The following PLCE1 variants were observed in gnomAD, a reference collection of about 807,000 sequenced individuals.
PLCE1 encodes the protein 1-phosphatidylinositol 4,5-bisphosphate phosphodiesterase epsilon-1.
Under a neutral mutation model 242.8 loss-of-function variants are expected in PLCE1, and 119 were observed. The ratio of observed to expected loss-of-function variants is 0.49; its 90% CI spans 0.42 to 0.57. The LOEUF (loss-of-function observed/expected upper bound fraction) is 0.57, where lower values mean the gene tolerates loss of function less well. PLCE1 is among the 20% of genes least tolerant of loss of function. PLCE1 has a pLI of 0.00. For synonymous variants in PLCE1, 945 were observed against 1,017.4 expected (o/e 0.93, Z 1.35); for missense variants, 2,441 against 2,788.8 (o/e 0.88, Z 2.81).
chr10:94,322,710 G>A (rs575313828), intron 30 of PLCE1, among the ~76,000 whole-genome samples: 26 of 152,060 alleles, frequency 1.7e-4, no homozygotes, highest in South Asian at 1.2e-3. Context: ...GCTTGAACCC[G>A]GGAGGCAGAG....
In PLCE1 at chr10:94,217,405, C is replaced by T. The variant is rs377167751; in HGVS notation, c.1810-9901C>T. ...GTTATATCAAGACATTTTATGTAAA[C>T]TGTTAGTGATGGATTTTAATCTCAT... On this transcript the variant is annotated intron_variant, in intron 4 of 32. Transcript: ENST00000371380. 2.6e-5 allele frequency among the ~76,000 whole-genome samples: 4 copies of T among 152,158 alleles called. 1 individual carries two copies. The highest frequency in any genetic ancestry group is 3.9e-4 in the East Asian group (2 of 5,182).
intron 6 of PLCE1, 26 bp downstream of exon 6, chr10:94,234,338 C>G: frequency 6.2e-7 from 1 of 1,611,786 alleles, no homozygotes; most frequent in Non-Finnish European, 8.5e-7. Context: ...ATCATCGTGG[C>G]CTGAAGAGCC....
intron 3 of PLCE1, among the ~76,000 whole-genome samples, chr10:94,170,162 A>G (rs1159266211): frequency 6.6e-6 from 1 of 152,188 alleles, no homozygotes; most frequent in African/African-American, 2.4e-5. Flanking sequence ...GCTGTTACCC[A>G]GTGTCCAGGC....
intron 2 of PLCE1, among the ~76,000 whole-genome samples, chr10:94,114,149 G>T (rs1436337690): frequency 6.6e-6 from 1 of 152,154 alleles, no homozygotes; most frequent in Admixed American, 6.5e-5. Context: ...TTGCAAAGTC[G>T]CAGCCGAAGG....
At chr10:94,041,788 C>A (rs1292513453) in intron 2 of PLCE1, among the ~76,000 whole-genome samples, 1 of 152,086 alleles carries the variant, frequency 6.6e-6, no homozygotes, top group Admixed American at 6.6e-5. Flanking sequence ...GAGATCATTT[C>A]ATTCCTGGGG....
At chr10:94,236,215 C>A in intron 7 of PLCE1, 95 bp downstream of exon 7, 1 of 973,718 alleles carries the variant, frequency 1.0e-6, no homozygotes, top group Non-Finnish European at 1.6e-6. Context: ...AGATGGACAC[C>A]TCATCAAAAC....
chr10:94,019,327 G>A (rs2061334259), intron 1 of PLCE1, among the ~76,000 whole-genome samples: 1 of 152,096 alleles, frequency 6.6e-6, no homozygotes, highest in South Asian at 2.1e-4. Context: ...TGCAGCCTGT[G>A]GTCCACTTGA....
intron 2 of PLCE1, among the ~76,000 whole-genome samples, chr10:94,067,182 G>A (rs891382649): frequency 2.0e-5 from 3 of 152,070 alleles, no homozygotes; most frequent in Non-Finnish European, 2.9e-5. Context: ...ATCTCTGCTG[G>A]ATCTTCCTAA....
chr10:94,312,638 C>T (rs1200952355), intron 27 of PLCE1, among the ~76,000 whole-genome samples: 2 of 152,196 alleles, frequency 1.3e-5, no homozygotes, highest in Non-Finnish European at 2.9e-5. Flanking sequence ...GCCTACTTTC[C>T]CCTCTAGCTA....
At chr10:94,057,943 C>T (rs936416883) in intron 2 of PLCE1, among the ~76,000 whole-genome samples, 10 of 152,210 alleles carry the variant, frequency 6.6e-5, no homozygotes, top group East Asian at 1.9e-4. Flanking sequence ...AAAAGACACA[C>T]TTCTATTCTA....
chr10:94,293,500 G>A lies in PLCE1; in HGVS notation c.5036-8G>A. On this transcript the variant is annotated splice_polypyrimidine_tract_variant and splice_region_variant and intron_variant, in intron 22 of 32. Coordinates refer to ENST00000371380, the MANE Select transcript of PLCE1 (RefSeq NM_016341.4). ...TTTGGCTTATTTATTTTCATTTTAT[G>A]GGAACAGGACTGTCAACTCTAAATG... 1 of 1,612,684 alleles carries A rather than the reference G, an allele frequency of 6.2e-7. No homozygotes were observed. The highest frequency in any genetic ancestry group is 8.5e-7 in the Non-Finnish European group (1 of 1,179,152).
chr10:94,276,434 T>G (rs2051956441), intron 19 of PLCE1, among the ~76,000 whole-genome samples: 1 of 152,276 alleles, frequency 6.6e-6, no homozygotes, highest in South Asian at 2.1e-4. Context: ...GCTGGAGCAC[T>G]TTGAAAAACA....
chr10:94,006,141 C>A (rs188923715), intron 1 of PLCE1, among the ~76,000 whole-genome samples: 1 of 152,178 alleles, frequency 6.6e-6, no homozygotes, highest in Non-Finnish European at 1.5e-5. Flanking sequence ...TTCTGATTTA[C>A]AGATTAAGCT....
At chr10:94,216,677 C>A (rs1032188847) in intron 4 of PLCE1, among the ~76,000 whole-genome samples, 1 of 152,074 alleles carries the variant, frequency 6.6e-6, no homozygotes, top group Non-Finnish European at 1.5e-5. Flanking sequence ...TTCAGAAGGA[C>A]CCTGTCCTAC....
At position 94,283,688 on chromosome 10, in the gene PLCE1, T is replaced by C. The variant is rs530602414; in HGVS notation, c.4796-102T>C. The C allele has an allele frequency of 5.7e-6, 7 of 1,230,934 alleles. No individual in the cohort carries two copies. In the Admixed American group the frequency reaches 8.6e-5, roughly 15 times the overall value. The allele number at this position is 1,230,934 out of a possible 1,614,324, so 76.3% of individuals were successfully genotyped here. A position where few individuals can be genotyped will look rare whatever the true frequency, so the allele number is the denominator to read the frequency against. On this transcript the variant is annotated intron_variant, in intron 20 of 32. Transcript: ENST00000371380. The stretch of plus-strand genomic sequence containing the variant: ...CTATATAGTTAGAGCCTCATTCTTA[T>C]AGATAAGTACAAGTATCTGGATGTC...
chr10:94,017,860 T>C (rs1242539292), intron 1 of PLCE1, among the ~76,000 whole-genome samples: 1 of 152,090 alleles, frequency 6.6e-6, no homozygotes, highest in Admixed American at 6.5e-5. Context: ...TCATCAGACA[T>C]AGGGGATCCA....
At chr10:94,033,774 A>G (rs140460746) in intron 2 of PLCE1, among the ~76,000 whole-genome samples, 278 of 152,246 alleles carry the variant, frequency 1.8e-3, no homozygotes, top group Non-Finnish European at 3.2e-3. Context: ...GTCATTCTCT[A>G]TGTGAAACTG....
intron 2 of PLCE1, among the ~76,000 whole-genome samples, chr10:94,033,595 CCAG>C (rs1306030220): frequency 6.6e-6 from 1 of 151,898 alleles, no homozygotes; most frequent in Admixed American, 6.6e-5. Context: ...TTTTCCTCAA[CCAG>C]ATTTCCAGGT....
intron 17 of PLCE1, 47 bp downstream of exon 17, chr10:94,269,083 T>A: frequency 1.4e-5 from 10 of 707,112 alleles, no homozygotes; most frequent in Non-Finnish European, 2.2e-5. Context: ...AGAGACATTA[T>A]CTTCATTTGT....
Sources: gnomAD v4.1 joint callset for allele counts (sites outside exome capture counted in the v4.1 genomes callset) on GRCh38, gnomAD v4.1.1 for gene constraint, MANE v1.5 for transcripts, NCBI Gene and HGNC (gene_info 2026-07-23, HGNC 2026-07-21) for gene names.